PAFAH1B2: variants seen among roughly 807,000 people sequenced by gnomAD.
PAFAH1B2 encodes platelet activating factor acetylhydrolase 1b catalytic subunit 2.
In PAFAH1B2, 8 loss-of-function variants were observed where a neutral mutation model predicts 28.0. The ratio of observed to expected loss-of-function variants is 0.29; its 90% confidence interval spans 0.17 to 0.52. The LOEUF is 0.52. PAFAH1B2 is among the 20% of genes least tolerant of loss of function. The probability of loss-of-function intolerance (pLI) is 0.97; values close to 1 mark genes in which losing one functional copy is unlikely to be tolerated. For missense variants in PAFAH1B2, 190 were observed against 282.6 expected (o/e 0.67, Z 2.35); for synonymous variants, 104 against 103.2 (o/e 1.01, Z -0.05).
intron 1 of PAFAH1B2, among the ~76,000 whole-genome samples, chr11:117,151,913 T>G (rs1482965731): frequency 6.6e-6 from 1 of 152,098 alleles, no homozygotes; most frequent in African/African-American, 2.4e-5. Flanking sequence ...TTCACCATGT[T>G]AGCCAGGATG....
intron 5 of PAFAH1B2, among the ~76,000 whole-genome samples, chr11:117,164,991 T>C (rs1184724004): frequency 1.4e-5 from 2 of 142,894 alleles, no homozygotes; most frequent in Non-Finnish European, 3.0e-5. Flanking sequence ...AGTCTCGCTC[T>C]GTCGCCTAGG....
chr11:117,148,655 G>A (rs1423631325), intron 1 of PAFAH1B2, among the ~76,000 whole-genome samples: 2 of 152,178 alleles, frequency 1.3e-5, no homozygotes, highest in African/African-American at 2.4e-5. Flanking sequence ...GGGAGTGGTA[G>A]TGTGTGCCTG....
chr11:117,175,508 G>T, downstream of PAFAH1B2: 1 of 1,096,538 alleles, frequency 9.1e-7, no homozygotes, highest in Non-Finnish European at 1.1e-6. Context: ...TTGAGACCTT[G>T]CAAAAGGGAA....
chr11:117,160,347 T>C (rs892474803), intron 3 of PAFAH1B2, among the ~76,000 whole-genome samples: 1 of 152,358 alleles, frequency 6.6e-6, no homozygotes, highest in Admixed American at 6.5e-5. Context: ...TTGTATTTGC[T>C]AATAACATTT....
chr11:117,164,581 A>G (rs772807401), intron 5 of PAFAH1B2, among the ~76,000 whole-genome samples: 3 of 152,220 alleles, frequency 2.0e-5, no homozygotes, highest in Non-Finnish European at 4.4e-5. Context: ...AAGGTGGTAT[A>G]TTAGACATTC....
rs1485125156 is a variant in PAFAH1B2 at position 117,168,530 on chromosome 11, G to C, written c.*831G>C. ...TTTTGACCTAGGAGCCCTGTTGCTG[G>C]AAGTATAGTCTCCAGCCAGTTACTC... is the stretch of plus-strand genomic sequence containing the variant. On this transcript the variant is annotated 3_prime_UTR_variant, in exon 6 of 6. Transcript: ENST00000527958. 4.8e-6 allele frequency: 5 copies of C among 1,033,054 alleles called. No individual in the cohort carries two copies. In the African/African-American group the frequency reaches 8.9e-5, roughly 18 times the overall value. The allele number at this position is 1,033,054 out of a possible 1,614,324, so 64.0% of individuals were successfully genotyped here.
chr11:117,170,660 T>C lies in PAFAH1B2; in HGVS notation c.*2961T>C. Reference sequence around the variant, plus strand: ...AAAAAAAAAAAAAGTCCAACTTACTTTATTTTATTTTTTTAACCTAGTCAC... The same window carrying C: ...AAAAAAAAAAAAAGTCCAACTTACTCTATTTTATTTTTTTAACCTAGTCAC... On this transcript the variant is annotated 3_prime_UTR_variant, in exon 6 of 6. Coordinates refer to ENST00000527958, the MANE Select transcript of PAFAH1B2 (RefSeq NM_002572.4). The C allele has an allele frequency of 9.4e-7, 1 of 1,060,170 alleles. No individual in the cohort carries two copies. The highest frequency in any genetic ancestry group is 4.6e-5 in the South Asian group (1 of 21,910). 65.7% of individuals were successfully genotyped at this position (1,060,170 alleles called of 1,614,324 possible).
At chr11:117,149,079 C>T (rs1000726881) in intron 1 of PAFAH1B2, among the ~76,000 whole-genome samples, 16 of 120,122 alleles carry the variant, frequency 1.3e-4, no homozygotes, top group African/African-American at 3.4e-4. Context: ...AGATGGATTT[C>T]GCCTTTTTGG....
chr11:117,154,128 G>T (rs946698256), intron 2 of PAFAH1B2, among the ~76,000 whole-genome samples: 1 of 143,544 alleles, frequency 7.0e-6, no homozygotes. Flanking sequence ...AGAAAAAAAA[G>T]AAGTATACCA....
intron 5 of PAFAH1B2, among the ~76,000 whole-genome samples, 159 bp from the exon 6 acceptor site, chr11:117,167,262 A>T (rs770582377): frequency 6.6e-6 from 1 of 152,152 alleles, no homozygotes. Context: ...CTAAGAAGAA[A>T]TGGTTAGCTT....
At chr11:117,172,945 G>A (rs1195960396), downstream of PAFAH1B2, among the ~76,000 whole-genome samples, 13 of 152,174 alleles carry the variant, frequency 8.5e-5, no homozygotes, top group African/African-American at 2.2e-4. Context: ...TCAGGCAATC[G>A]GCCCGCCTTA....
At chr11:117,152,557 CAT>C (rs751843248) in intron 2 of PAFAH1B2, 29 bp downstream of exon 2, 2 of 1,470,252 alleles carry the variant, frequency 1.4e-6, no homozygotes, top group African/African-American at 1.4e-5. Context: ...GTATCATTCA[CAT>C]GAGTTGAGTC....
At chr11:117,147,352 C>T (rs1297938068) in intron 1 of PAFAH1B2, among the ~76,000 whole-genome samples, 2 of 152,106 alleles carry the variant, frequency 1.3e-5, no homozygotes. Context: ...GGCGCACCAC[C>T]ACCCCCAGCT....
downstream of PAFAH1B2, among the ~76,000 whole-genome samples, chr11:117,174,652 A>G (rs1424164833): frequency 1.3e-5 from 2 of 151,632 alleles, no homozygotes; most frequent in African/African-American, 4.9e-5. Flanking sequence ...CTAATTTTGT[A>G]TTTTTAGTAG....
At chr11:117,153,064 CAAAACAAACAA>C (rs1168783754) in intron 2 of PAFAH1B2, among the ~76,000 whole-genome samples, 5 of 151,988 alleles carry the variant, frequency 3.3e-5, no homozygotes, top group Admixed American at 2.0e-4. Flanking sequence ...GACTGCATCT[CAAAACAAACAA>C]AAAACAAACA....
At chr11:117,165,075 C>T (rs1358564515) in intron 5 of PAFAH1B2, among the ~76,000 whole-genome samples, 1 of 149,846 alleles carries the variant, frequency 6.7e-6, no homozygotes, top group Admixed American at 6.6e-5. Context: ...CCTGCCTCAG[C>T]CTCCCGAGTA....
downstream of PAFAH1B2, among the ~76,000 whole-genome samples, chr11:117,177,991 A>G (rs898860304): frequency 6.6e-6 from 1 of 152,210 alleles, no homozygotes; most frequent in Non-Finnish European, 1.5e-5. Flanking sequence ...TATTATAAAT[A>G]TCACAGTGAT....
chr11:117,173,955 A>G (rs950142461), downstream of PAFAH1B2, among the ~76,000 whole-genome samples: 13 of 152,128 alleles, frequency 8.5e-5, no homozygotes, highest in African/African-American at 2.9e-4. Flanking sequence ...CTTCAGGTTC[A>G]TTTCCTTCAG....
intron 1 of PAFAH1B2, among the ~76,000 whole-genome samples, chr11:117,148,702 C>A (rs1218542867): frequency 6.6e-6 from 1 of 152,088 alleles, no homozygotes; most frequent in Non-Finnish European, 1.5e-5. Context: ...GCAGGAGGAT[C>A]ACTTAAGCCT....
Sources: gnomAD v4.1 joint callset for allele counts (sites outside exome capture counted in the v4.1 genomes callset) on GRCh38, gnomAD v4.1.1 for gene constraint, MANE v1.5 for transcripts, NCBI Gene and HGNC (gene_info 2026-07-23, HGNC 2026-07-21) for gene names.